The following LVRN variants were observed in gnomAD, a reference collection of about 807,000 sequenced individuals.
LVRN encodes laeverin, also known as aminopeptidase Q.
A neutral mutation model predicts 111.4 loss-of-function variants in LVRN; 99 were observed. The observed-to-expected ratio is 0.89, with a 90% CI of 0.76 to 1.05. The LOEUF (loss-of-function observed/expected upper bound fraction) is 1.05. Ranked by LOEUF, LVRN falls within the 50% of genes least tolerant of loss-of-function variation. LVRN has a pLI of 0.00. For missense variants in LVRN, 1,414 were observed against 1,206.8 expected (o/e 1.17, Z -2.54); for synonymous variants, 488 against 449.5 (o/e 1.09, Z -1.08).
intron 16 of LVRN, 69 bp from the exon 17 acceptor site, chr5:116,015,183 T>A: frequency 2.4e-6 from 3 of 1,251,284 alleles, no homozygotes; most frequent in Non-Finnish European, 3.1e-6. Context: ...AGATTCATAC[T>A]TCTAAAATAT....
At position 115,991,499 on chromosome 5, in the gene LVRN, A is replaced by G. The variant is rs545952687; in HGVS notation, c.1106-624A>G. 1.5e-3 allele frequency among the ~76,000 whole-genome samples: 234 copies of G among 152,356 alleles called. 2 individuals carry two copies. Among genetic ancestry groups the G allele is most frequent in the African/African-American group, 5.4e-3 (224 of 41,592 alleles). ...TTTAGCAATTATGAATAAAGCTTCT[A>G]TAAACATTTGTGTGCAGGTTTTTGG... On this transcript the variant is annotated intron_variant, in intron 4 of 19. Coordinates refer to ENST00000357872, the MANE Select transcript of LVRN (RefSeq NM_173800.5).
At position 116,026,895 on chromosome 5, in the gene LVRN, T is replaced by C. The variant is rs1748879154; in HGVS notation, c.*777T>C. On this transcript the variant is annotated 3_prime_UTR_variant, in exon 20 of 20. Coordinates refer to ENST00000357872, the MANE Select transcript of LVRN (RefSeq NM_173800.5). Reference sequence around the variant, plus strand: ...TATTCACCAGTGGGATGGACACCCTTTCAGCCTAAGCGTACGAGTGAAAAC... The same window carrying C: ...TATTCACCAGTGGGATGGACACCCTCTCAGCCTAAGCGTACGAGTGAAAAC... 6.6e-6 allele frequency: 1 copy of C among 152,360 alleles called. No homozygotes were observed. Among genetic ancestry groups the C allele is most frequent in the Middle Eastern group, 3.4e-3 (1 of 294 alleles). 9.4% of individuals were successfully genotyped at this position (152,360 alleles called of 1,614,324 possible).
At chr5:116,022,569 T>C (rs1440782188) in intron 19 of LVRN, 103 bp downstream of exon 19, 2 of 788,356 alleles carry the variant, frequency 2.5e-6, no homozygotes, top group Non-Finnish European at 2.1e-6. Context: ...TCTGAATTAT[T>C]ACATTCTATG....
chr5:115,973,657 T>A (rs931213005), intron 1 of LVRN, among the ~76,000 whole-genome samples: 1 of 151,640 alleles, frequency 6.6e-6, no homozygotes, highest in Non-Finnish European at 1.5e-5. Context: ...TAGGAACTTA[T>A]CCATTTAATC....
Position 116,014,593 on chromosome 5 carries a change from A to T in LVRN, c.2450+66A>T, listed in dbSNP as rs1312958510. The stretch of plus-strand genomic sequence containing the variant: ...TTAGCACCAGCAATTTCCCTTTTTG[A>T]TGTACTCACTGTGGGAATGAGTGTT... On this transcript the variant is annotated intron_variant, in intron 16 of 19. Transcript: ENST00000357872. 3.1e-6 allele frequency: 4 copies of T among 1,282,764 alleles called. No individual in the cohort carries two copies. The African/African-American group carries it at 4.4e-5, about 14-fold the overall frequency. The allele number at this position is 1,282,764 out of a possible 1,614,324, so 79.5% of individuals were successfully genotyped here.
rs115973157 is a variant in LVRN, at chr5:115,991,999, C to A, written c.1106-124C>A. On this transcript the variant is annotated intron_variant, in intron 4 of 19. Transcript: ENST00000357872. ...ATTAGTCTTTAAAAAGCCTTCTCTC[C>A]GTTCAGGTTATAAATATTCCCTTGA... is the stretch of plus-strand genomic sequence containing the variant. The A allele has an allele frequency of 5.8e-6, 5 of 865,044 alleles. No homozygotes were observed. The South Asian group carries it at 1.0e-4, about 17-fold the overall frequency. 53.6% of individuals were successfully genotyped at this position (865,044 alleles called of 1,614,324 possible). A position where few individuals can be genotyped will look rare whatever the true frequency, so the allele number is the denominator to read the frequency against.
intron 18 of LVRN, among the ~76,000 whole-genome samples, chr5:116,017,902 A>G (rs1748635263): frequency 6.6e-6 from 1 of 152,172 alleles, no homozygotes; most frequent in Admixed American, 6.5e-5. Context: ...GAAATTTATA[A>G]CATCCCTCAG....
In LVRN at chr5:115,984,686, A is replaced by G. The variant is rs763671464; in HGVS notation, c.955A>G (p.Asn319Asp). 6.2e-7 allele frequency: 1 copy of G among 1,613,648 alleles called. No homozygotes were observed. Among genetic ancestry groups the G allele is most frequent in the South Asian group, 1.1e-5 (1 of 91,072 alleles). Residue 319 changes from asparagine to aspartate, a missense_variant, in exon 3 of 20, where the codon AAC (asparagine) becomes GAC (aspartate). Physicochemically the swap from Asn to Asp is conservative, Grantham distance 23. Coordinates refer to ENST00000357872, the MANE Select transcript of LVRN (RefSeq NM_173800.5). Reference sequence around the variant, plus strand: ...TGTTATATGTGACTATGACCACGTCAACAGAACAGAAAGGGGCAAGGAGGT... The same window carrying G: ...TGTTATATGTGACTATGACCACGTCGACAGAACAGAAAGGGGCAAGGAGGT... The part of the protein sequence containing the change: ...AFVICDYDHV[N>D]RTERGKEIRI...
In LVRN at chr5:115,997,523, G is replaced by A. The variant is rs112065755; in HGVS notation, c.1375-2239G>A. On this transcript the variant is annotated intron_variant, in intron 6 of 19. Transcript: ENST00000357872. ...TACTAAAATTTTTTTAATTAGCAGG[G>A]CATGGTGCTGCACCCTTGTAGTCCT... Among the ~76,000 whole-genome samples the A allele has an allele frequency of 9.9e-3, 1,502 of 152,048 alleles. 21 individuals are homozygous for A. The highest frequency in any genetic ancestry group is 0.034 in the African/African-American group (1,428 of 41,466).
chr5:116,020,455 G>C (rs17485406), intron 18 of LVRN, among the ~76,000 whole-genome samples: 61,074 of 152,020 alleles, frequency 0.4, 12,489 homozygotes, highest in Middle Eastern at 0.48. Context: ...TACAGAGCAT[G>C]ATCAGTTTTA....
At chr5:115,967,533 C>A (rs1029036115) in intron 1 of LVRN, among the ~76,000 whole-genome samples, 1 of 152,142 alleles carries the variant, frequency 6.6e-6, no homozygotes, top group Admixed American at 6.5e-5. Context: ...TGCAGCTATA[C>A]AATAAGTCTT....
At chr5:116,000,998 T>C in intron 9 of LVRN, 69 bp from the exon 10 acceptor site, 1 of 1,504,688 alleles carries the variant, frequency 6.6e-7, no homozygotes, top group Non-Finnish European at 8.9e-7. Context: ...GAGTTTCTTT[T>C]TGGAGATTGC....
At chr5:116,003,120 T>C (rs569970624) in intron 11 of LVRN, 121 bp from the exon 12 acceptor site, 1 of 1,020,668 alleles carries the variant, frequency 9.8e-7, no homozygotes, top group South Asian at 1.7e-5. Context: ...ATATATATTT[T>C]AGAATTCCTT....
intron 4 of LVRN, among the ~76,000 whole-genome samples, chr5:115,990,147 C>A (rs985494966): frequency 6.6e-6 from 1 of 152,134 alleles, no homozygotes; most frequent in African/African-American, 2.4e-5. Flanking sequence ...TCTCATGTTG[C>A]TATCATTTTA....
chr5:115,964,599 CTT>C (rs34449231), intron 1 of LVRN, among the ~76,000 whole-genome samples: 23 of 149,220 alleles, frequency 1.5e-4, no homozygotes, highest in African/African-American at 3.7e-4. Flanking sequence ...ACATATCTGA[CTT>C]TTTTTTTTTT....
At chr5:115,974,962 T>A (rs1203408708) in intron 1 of LVRN, 1 of 423,822 alleles carries the variant, frequency 2.4e-6, no homozygotes, top group Non-Finnish European at 4.7e-6. Context: ...CAACTGCCTT[T>A]TGGGAAATGA....
chr5:115,973,906 C>T (rs931265247), intron 1 of LVRN, among the ~76,000 whole-genome samples: 3 of 151,876 alleles, frequency 2.0e-5, no homozygotes, highest in African/African-American at 7.3e-5. Context: ...ATTTGGTCTG[C>T]CTTGAGATTT....
intron 5 of LVRN, 77 bp downstream of exon 5, chr5:115,992,354 A>C (rs1748015567): frequency 6.7e-7 from 1 of 1,495,040 alleles, no homozygotes; most frequent in Non-Finnish European, 9.3e-7. Flanking sequence ...TAAAAACCCC[A>C]GTAAGACCCT....
chr5:116,020,445 T>C (rs1020871862), intron 18 of LVRN, among the ~76,000 whole-genome samples: 4 of 152,214 alleles, frequency 2.6e-5, no homozygotes, highest in East Asian at 1.9e-4. Context: ...GAATATAGAA[T>C]ACAGAGCATG....
Sources: gnomAD v4.1 joint callset for allele counts (sites outside exome capture counted in the v4.1 genomes callset) on GRCh38, gnomAD v4.1.1 for gene constraint, MANE v1.5 for transcripts, NCBI Gene and HGNC (gene_info 2026-07-23, HGNC 2026-07-21) for gene names.